The following PRKAR1B variants were observed in gnomAD, a reference collection of about 807,000 sequenced individuals.
PRKAR1B encodes protein kinase cAMP-dependent type I regulatory subunit beta.
Under a neutral mutation model 46.5 loss-of-function variants are expected in PRKAR1B, and 22 were observed. The ratio of observed to expected loss-of-function variants is 0.47; its 90% CI spans 0.34 to 0.68. The LOEUF (loss-of-function observed/expected upper bound fraction) is 0.68, where lower values mean the gene tolerates loss of function less well. Among genes scored for constraint, PRKAR1B ranks in the 30% least tolerant of loss-of-function variants. The pLI is 0.01. For synonymous variants in PRKAR1B, 259 were observed against 217.7 expected (o/e 1.19, Z -1.67); for missense variants, 445 against 535.6 (o/e 0.83, Z 1.67).
intron 1 of PRKAR1B, among the ~76,000 whole-genome samples, chr7:717,919 G>A (rs1228831506): frequency 2.0e-5 from 3 of 152,068 alleles, no homozygotes; most frequent in Admixed American, 6.6e-5. Flanking sequence ...TACAGCAAAG[G>A]TGAGGAGTGA....
chr7:582,972 G>C (rs536431369), intron 8 of PRKAR1B, among the ~76,000 whole-genome samples: 1 of 152,326 alleles, frequency 6.6e-6, no homozygotes, highest in Non-Finnish European at 1.5e-5. Flanking sequence ...CAGACACAAA[G>C]CCACACAGGT....
intron 4 of PRKAR1B, among the ~76,000 whole-genome samples, chr7:623,312 T>C (rs1351337722): frequency 6.6e-6 from 1 of 152,252 alleles, no homozygotes; most frequent in African/African-American, 2.4e-5. Flanking sequence ...CTCTTGACTG[T>C]GGGTCTGGTT....
intron 4 of PRKAR1B, among the ~76,000 whole-genome samples, chr7:629,940 G>T (rs9801016): frequency 1.1e-5 from 1 of 90,066 alleles, no homozygotes; most frequent in Non-Finnish European, 2.1e-5. Context: ...CTGCAGGAGC[G>T]GGGCCACGGC....
rs1786016608 is a variant in PRKAR1B, at chr7:667,844, A to T, written c.440+9385T>A. ...AAAGGCCCAGGGAAACCCTTCGATCAAGGCCAACTAGCAATACCACCATCC... is the reference window on the plus strand; with the variant it reads ...AAAGGCCCAGGGAAACCCTTCGATCTAGGCCAACTAGCAATACCACCATCC... On this transcript the variant is annotated intron_variant, in intron 4 of 10. Coordinates refer to ENST00000537384, the MANE Select transcript of PRKAR1B (RefSeq NM_001164760.2). The surrounding 1 kb of genome is among the most constrained non-coding windows in gnomAD (Gnocchi z 4.3). Among the ~76,000 whole-genome samples the T allele has an allele frequency of 6.6e-6, 1 of 152,182 alleles. No individual in the cohort carries two copies. Among genetic ancestry groups the T allele is most frequent in the African/African-American group, 2.4e-5 (1 of 41,442 alleles).
At chr7:723,273 G>A (rs1781135688) in intron 1 of PRKAR1B, among the ~76,000 whole-genome samples, 1 of 152,230 alleles carries the variant, frequency 6.6e-6, no homozygotes, top group South Asian at 2.1e-4. Context: ...GAAGGTGGCA[G>A]CTACCCTCTA....
At chr7:635,623 C>G (rs867590498) in intron 4 of PRKAR1B, among the ~76,000 whole-genome samples, 26 of 152,148 alleles carry the variant, frequency 1.7e-4, no homozygotes, top group Non-Finnish European at 3.8e-4. Context: ...GCCTCCCAGG[C>G]CCTCCCAGAC....
chr7:597,585 C>T (rs531024474), intron 6 of PRKAR1B, among the ~76,000 whole-genome samples: 2 of 152,338 alleles, frequency 1.3e-5, no homozygotes, highest in African/African-American at 4.8e-5. Context: ...AGTACCCACC[C>T]GCGCGTGCAG....
chr7:597,739 G>A (rs983507371), intron 6 of PRKAR1B, among the ~76,000 whole-genome samples: 6 of 152,216 alleles, frequency 3.9e-5, no homozygotes, highest in African/African-American at 9.7e-5. Flanking sequence ...AAGGGCCTGC[G>A]ATGGCCGGGG....
At chr7:719,751 C>T (rs1165738866) in intron 1 of PRKAR1B, among the ~76,000 whole-genome samples, 1 of 152,158 alleles carries the variant, frequency 6.6e-6, no homozygotes, top group Non-Finnish European at 1.5e-5. Context: ...GTACCAGCTC[C>T]ACAAGGCTCC....
At chr7:727,508 C>G, upstream of PRKAR1B, 2 of 309,526 alleles carry the variant, frequency 6.5e-6, no homozygotes, top group Non-Finnish European at 1.1e-5. Flanking sequence ...GCCCCCTCCT[C>G]CCACCACCAC....
chr7:553,914 C>T lies in PRKAR1B; in HGVS notation c.892-2444G>A, dbSNP rs538972333. Among the ~76,000 whole-genome samples, 19 of 152,392 alleles carry T rather than the reference C, an allele frequency of 1.2e-4. No individual in the cohort carries two copies. In the East Asian group the frequency reaches 3.1e-3, roughly 25 times the overall value. On this transcript the variant is annotated intron_variant, in intron 9 of 10. Coordinates refer to ENST00000537384, the MANE Select transcript of PRKAR1B (RefSeq NM_001164760.2). ...GAATCCAGCTGATGGATGAGCAGGA[C>T]GTGTAAACAACAGACCGGGCGGCTG... is the stretch of plus-strand genomic sequence containing the variant.
chr7:722,253 C>A (rs1374902593), intron 1 of PRKAR1B, among the ~76,000 whole-genome samples: 1 of 152,106 alleles, frequency 6.6e-6, no homozygotes, highest in Admixed American at 6.6e-5. Flanking sequence ...AGGTACCCAC[C>A]ACCACACCCA....
chr7:617,155 A>C (rs1782868657), intron 4 of PRKAR1B, among the ~76,000 whole-genome samples: 1 of 151,898 alleles, frequency 6.6e-6, no homozygotes, highest in East Asian at 1.9e-4. Context: ...TGCCATGCCC[A>C]GCTAATTTTT....
intron 4 of PRKAR1B, among the ~76,000 whole-genome samples, chr7:672,100 G>A (rs1786287510): frequency 6.6e-6 from 1 of 152,038 alleles, no homozygotes; most frequent in Non-Finnish European, 1.5e-5. Context: ...ACGGAGCCTG[G>A]CACACAATGA....
At chr7:726,671 T>C (rs1421517501) in intron 1 of PRKAR1B, 16 of 1,202,656 alleles carry the variant, frequency 1.3e-5, no homozygotes, top group Admixed American at 4.3e-5. Context: ...TAATCTGCGC[T>C]GAGAGTCGCG....
chr7:681,595 G>A (rs1472236397), intron 2 of PRKAR1B, among the ~76,000 whole-genome samples: 5 of 152,216 alleles, frequency 3.3e-5, no homozygotes, highest in African/African-American at 1.2e-4. Flanking sequence ...CTGCTGGGAG[G>A]AGGGGACTGG....
intron 8 of PRKAR1B, among the ~76,000 whole-genome samples, chr7:583,286 C>G (rs1191193717): frequency 6.6e-6 from 1 of 152,122 alleles, no homozygotes; most frequent in Admixed American, 6.5e-5. Flanking sequence ...TCAGAGAGAA[C>G]AGGGGTCAAA....
rs1778699668 is a variant in PRKAR1B at position 560,234 on chromosome 7, A to T, written c.892-8764T>A. 6.6e-6 allele frequency among the ~76,000 whole-genome samples: 1 copy of T among 152,036 alleles called. No individual in the cohort carries two copies. Among genetic ancestry groups the T allele is most frequent in the Non-Finnish European group, 1.5e-5 (1 of 68,010 alleles). ...GCTGCCCTGTGAAGAGGTACCTTCC[A>T]CCATGATTGTAAGTTTCCTGAGACC... On this transcript the variant is annotated intron_variant, in intron 9 of 10. Coordinates refer to ENST00000537384, the MANE Select transcript of PRKAR1B (RefSeq NM_001164760.2). The surrounding 1 kb of genome is among the most constrained non-coding windows in gnomAD (Gnocchi z 4.2).
At chr7:680,793 A>C (rs1434965164) in intron 2 of PRKAR1B, 67 bp from the exon 3 acceptor site, 148 of 1,566,602 alleles carry the variant, frequency 9.4e-5, no homozygotes, top group East Asian at 4.7e-4. Context: ...CACAGGGCCC[A>C]TGCCTGTGAT....
Sources: gnomAD v4.1 joint callset for allele counts (sites outside exome capture counted in the v4.1 genomes callset) on GRCh38, gnomAD v4.1.1 for gene constraint, Gnocchi (gnomAD v3.1) non-coding constraint, MANE v1.5 for transcripts, NCBI Gene and HGNC (gene_info 2026-07-23, HGNC 2026-07-21) for gene names.